The following SNTB2 variants were observed in gnomAD, a reference collection of about 807,000 sequenced individuals.
SNTB2 encodes the protein beta-2-syntrophin.
Under a neutral mutation model 46.2 loss-of-function variants are expected in SNTB2, and 34 were observed. That is an observed-to-expected ratio of 0.74 (90% CI 0.56 to 0.98). SNTB2 has a LOEUF of 0.98. Among genes scored for constraint, SNTB2 ranks in the 50% least tolerant of loss-of-function variants. SNTB2 has a pLI of 0.00. For missense variants in SNTB2, 603 were observed against 731.4 expected (o/e 0.82, Z 2.02); for synonymous variants, 290 against 312.6 (o/e 0.93, Z 0.76).
At chr16:69,280,103 T>C (rs1268790947) in intron 4 of SNTB2, among the ~76,000 whole-genome samples, 4 of 152,242 alleles carry the variant, frequency 2.6e-5, no homozygotes, top group Non-Finnish European at 4.4e-5. Flanking sequence ...TTTAACAAAG[T>C]ACATCTTGCA....
intron 4 of SNTB2, among the ~76,000 whole-genome samples, chr16:69,283,119 GT>G (rs1482162033): frequency 3.3e-5 from 5 of 151,928 alleles, no homozygotes; most frequent in Admixed American, 2.6e-4. Context: ...TTTTTTTGTT[GT>G]TTTTTGTTTT....
In SNTB2 at chr16:69,304,850, C is replaced by CT. The variant is rs369525772; in HGVS notation, c.*3938dup. The CT allele has an allele frequency of 0.013, 1,887 of 141,314 alleles. 49 individuals are homozygous for CT. The highest frequency in any genetic ancestry group is 0.045 in the African/African-American group (1,748 of 38,520). The allele number at this position is 141,314 out of a possible 1,614,324, so 8.8% of individuals were successfully genotyped here. A position where few individuals can be genotyped will look rare whatever the true frequency, so the allele number is the denominator to read the frequency against. ...GGCTAATTTTTATGGATTTTTTTTTCTTTTTTTTTTTTCGCCATGTTGCCC... is the reference window on the plus strand; with the variant it reads ...GGCTAATTTTTATGGATTTTTTTTTCTTTTTTTTTTTTTCGCCATGTTGCCC... On this transcript the variant is annotated 3_prime_UTR_variant, in exon 7 of 7. Coordinates refer to ENST00000336278, the MANE Select transcript of SNTB2 (RefSeq NM_006750.4).
chr16:69,202,700 C>G (rs376213893), intron 1 of SNTB2, among the ~76,000 whole-genome samples: 13 of 152,138 alleles, frequency 8.5e-5, no homozygotes, highest in East Asian at 5.8e-4. Context: ...TTCAGCCTCC[C>G]AGGTAGCTGA....
intron 1 of SNTB2, among the ~76,000 whole-genome samples, chr16:69,229,225 G>T (rs1295865338): frequency 6.6e-6 from 1 of 152,134 alleles, no homozygotes; most frequent in East Asian, 1.9e-4. Flanking sequence ...AGGCTGGAGT[G>T]CAGTGGCACG....
chr16:69,210,392 C>T (rs1325898661), intron 1 of SNTB2, among the ~76,000 whole-genome samples: 3 of 151,820 alleles, frequency 2.0e-5, no homozygotes, highest in African/African-American at 7.3e-5. Context: ...CACGTGCTGC[C>T]ATGCCTGGAT....
chr16:69,218,371 A>G (rs934782005), intron 1 of SNTB2, among the ~76,000 whole-genome samples: 1 of 151,924 alleles, frequency 6.6e-6, no homozygotes, highest in African/African-American at 2.4e-5. Context: ...AAATGACAGT[A>G]TTCTTTGATG....
At chr16:69,188,322 T>G (rs1432555091) in intron 1 of SNTB2, among the ~76,000 whole-genome samples, 1 of 152,220 alleles carries the variant, frequency 6.6e-6, no homozygotes, top group Non-Finnish European at 1.5e-5. Flanking sequence ...TAACGAACCT[T>G]GTTTAACAGT....
In SNTB2 at chr16:69,292,423, TA is replaced by T. The variant is rs1410740044; in HGVS notation, c.1346-7166del. ...ATATATATATTATATATATATTATA[TA>T]TATATATATATTATATATATATAAT... On this transcript the variant is annotated intron_variant, in intron 5 of 6. Transcript: ENST00000336278. 1.4e-4 allele frequency among the ~76,000 whole-genome samples: 3 copies of T among 21,724 alleles called. 1 individual carries two copies. The highest frequency in any genetic ancestry group is 1.6e-3 in the East Asian group (2 of 1,284). The allele number at this position is 21,724 out of a possible 152,430, so 14.3% of individuals were successfully genotyped here.
At chr16:69,249,709 G>A (rs1964707538) in intron 2 of SNTB2, among the ~76,000 whole-genome samples, 1 of 152,116 alleles carries the variant, frequency 6.6e-6, no homozygotes, top group South Asian at 2.1e-4. Flanking sequence ...ACTCGACCAT[G>A]GCATGCCATA....
chr16:69,279,618 C>T (rs919276062), intron 4 of SNTB2, among the ~76,000 whole-genome samples: 11 of 149,056 alleles, frequency 7.4e-5, no homozygotes, highest in Non-Finnish European at 1.2e-4. Context: ...CTCCGCCTCC[C>T]GGGTTCACGC....
chr16:69,228,963 A>G (rs906396480), intron 1 of SNTB2, among the ~76,000 whole-genome samples: 2 of 152,142 alleles, frequency 1.3e-5, no homozygotes, highest in African/African-American at 4.8e-5. Context: ...TGCATTAATG[A>G]TTTTACAAAA....
intron 1 of SNTB2, among the ~76,000 whole-genome samples, chr16:69,206,933 T>A (rs1276641377): frequency 6.7e-6 from 1 of 150,174 alleles, no homozygotes; most frequent in African/African-American, 2.4e-5. Context: ...GCCCAACTAA[T>A]TTTTTGTATT....
intron 2 of SNTB2, among the ~76,000 whole-genome samples, chr16:69,256,587 C>T (rs748467314): frequency 6.6e-6 from 1 of 152,134 alleles, no homozygotes; most frequent in Non-Finnish European, 1.5e-5. Context: ...TCTTTCGTGA[C>T]TGGCTTATTT....
chr16:69,227,841 ATTTTTT>A (rs60387965), intron 1 of SNTB2, among the ~76,000 whole-genome samples: 36 of 115,898 alleles, frequency 3.1e-4, no homozygotes, highest in Middle Eastern at 4.6e-3. Flanking sequence ...GTTTCTCTGG[ATTTTTT>A]TTTTTTTTTT....
intron 1 of SNTB2, among the ~76,000 whole-genome samples, chr16:69,214,683 C>T (rs935223047): frequency 1.3e-5 from 2 of 149,534 alleles, no homozygotes; most frequent in Admixed American, 6.7e-5. Flanking sequence ...CCTGCCACCA[C>T]GCCTGGCTAA....
intron 1 of SNTB2, among the ~76,000 whole-genome samples, chr16:69,204,340 A>G (rs1451861126): frequency 6.6e-6 from 1 of 152,218 alleles, no homozygotes; most frequent in Non-Finnish European, 1.5e-5. Flanking sequence ...TGCTAGAAGC[A>G]CCAGAAGTCT....
At chr16:69,284,278 T>A (rs1965078754) in intron 5 of SNTB2, 34 bp downstream of exon 5, 1 of 1,551,060 alleles carries the variant, frequency 6.4e-7, no homozygotes, top group East Asian at 2.3e-5. Flanking sequence ...CTAGTAGTAA[T>A]TAAATAGAAC....
intron 5 of SNTB2, among the ~76,000 whole-genome samples, chr16:69,297,870 C>T (rs1164135569): frequency 1.1e-4 from 17 of 152,090 alleles, no homozygotes; most frequent in African/African-American, 4.1e-4. Flanking sequence ...ACCGAGATCA[C>T]GCCACTGCAC....
chr16:69,227,347 T>C (rs1222814659), intron 1 of SNTB2, among the ~76,000 whole-genome samples: 1 of 152,210 alleles, frequency 6.6e-6, no homozygotes, highest in East Asian at 1.9e-4. Flanking sequence ...AATTTATTTG[T>C]GCTACACCTT....
Sources: gnomAD v4.1 joint callset for allele counts (sites outside exome capture counted in the v4.1 genomes callset) on GRCh38, gnomAD v4.1.1 for gene constraint, MANE v1.5 for transcripts, NCBI Gene and HGNC (gene_info 2026-07-23, HGNC 2026-07-21) for gene names.